MCM9: variants seen among roughly 807,000 people sequenced by gnomAD.
The protein encoded by MCM9 is DNA helicase MCM9.
In MCM9, 55 loss-of-function variants were observed where a neutral mutation model predicts 72.8. The ratio of observed to expected loss-of-function variants is 0.76; its 90% CI spans 0.61 to 0.95. MCM9 has a LOEUF of 0.95. MCM9 is among the 40% of genes least tolerant of loss of function. MCM9 has a pLI of 0.00. For missense variants in MCM9, 1,279 were observed against 1,377.0 expected (o/e 0.93, Z 1.13); for synonymous variants, 480 against 503.4 (o/e 0.95, Z 0.62).
chr6:118,895,339 G>A (rs187522525), intron 8 of MCM9, among the ~76,000 whole-genome samples: 17 of 152,302 alleles, frequency 1.1e-4, no homozygotes, highest in African/African-American at 2.2e-4. Flanking sequence ...ATGACGAAAA[G>A]CTAATTTCAG....
chr6:118,893,922 T>TCCCGCCGCAGCCCCGCCTC, intron 8 of MCM9: 2 of 721,536 alleles, frequency 2.8e-6, no homozygotes, highest in Non-Finnish European at 3.4e-6. Flanking sequence ...GATCGCGCCC[T>TCCCGCCGCAGCCCCGCCTC]CCCGCCGCAG....
chr6:118,924,648 T>G (rs1314313713), intron 3 of MCM9, among the ~76,000 whole-genome samples: 2 of 152,210 alleles, frequency 1.3e-5, no homozygotes, highest in African/African-American at 2.4e-5. Context: ...AATATGACAG[T>G]GTTTTTGAGC....
In MCM9 at chr6:118,907,846, A is replaced by C. The variant is rs1206512389; in HGVS notation, c.1150+3804T>G. On this transcript the variant is annotated intron_variant, in intron 8 of 13. Transcript: ENST00000619706. ...TTTTATTTGTTCTGAAACTAATCTG[A>C]TTAAAGCATATATATTATTTTCTTC... 3 of 420,000 alleles carry C rather than the reference A, an allele frequency of 7.1e-6. No homozygotes were observed. The Admixed American group carries it at 1.2e-4, about 16-fold the overall frequency. The allele number at this position is 420,000 out of a possible 1,614,324, so 26.0% of individuals were successfully genotyped here.
At chr6:118,894,620 C>T (rs889814526) in intron 8 of MCM9, 44 of 1,085,720 alleles carry the variant, frequency 4.1e-5, no homozygotes, top group Non-Finnish European at 5.4e-5. Flanking sequence ...GTGTTCGGCG[C>T]CTGGCGGCCG....
Position 118,922,011 on chromosome 6 carries a change from T to C in MCM9, c.697A>G (p.Lys233Glu). ...ILEDDLVDSC[K>E]SGDDLTIYGI... ...AAAATTCCCCTCTTCTTACCAGATT[T>C]GCAACTATCCACTAAGTCATCTTCC... The change falls in exon 5 of 14, where the codon AAA becomes GAA. Residue 233 changes from lysine (K) to glutamate (E), a missense_variant. By Grantham distance (56) the Lys-to-Glu change is moderately conservative. Coordinates refer to ENST00000619706, the MANE Select transcript of MCM9 (RefSeq NM_017696.3). 1 of 1,612,406 alleles carries C rather than the reference T, an allele frequency of 6.2e-7. No homozygotes were observed. Among genetic ancestry groups the C allele is most frequent in the East Asian group, 2.2e-5 (1 of 44,808 alleles).
intron 1 of MCM9, among the ~76,000 whole-genome samples, chr6:118,933,891 C>T (rs983055301): frequency 7.6e-6 from 1 of 131,082 alleles, no homozygotes; most frequent in African/African-American, 2.8e-5. Context: ...TTTGGTTAAG[C>T]AATATAAATT....
chr6:118,859,549 T>C (rs1776777590), intron 8 of MCM9, among the ~76,000 whole-genome samples: 1 of 152,168 alleles, frequency 6.6e-6, no homozygotes, highest in African/African-American at 2.4e-5. Context: ...GAGCATAAAC[T>C]TTTATGTAAG....
intron 8 of MCM9, among the ~76,000 whole-genome samples, chr6:118,866,361 T>C (rs1777217157): frequency 6.6e-6 from 1 of 152,068 alleles, no homozygotes; most frequent in Non-Finnish European, 1.5e-5. Flanking sequence ...GGTAAATCTC[T>C]AGAAACTAAC....
At chr6:118,928,364 T>C (rs1359450482) in intron 3 of MCM9, among the ~76,000 whole-genome samples, 1 of 151,870 alleles carries the variant, frequency 6.6e-6, no homozygotes, top group Admixed American at 6.6e-5. Flanking sequence ...TGAACCGAGA[T>C]TGCACCTGTG....
chr6:118,892,080 T>A (rs1411063170), intron 8 of MCM9, among the ~76,000 whole-genome samples: 2 of 152,224 alleles, frequency 1.3e-5, no homozygotes, highest in African/African-American at 4.8e-5. Flanking sequence ...AAATTAGAAA[T>A]ATGCCAGGAC....
Position 118,827,907 on chromosome 6 carries a change from A to G in MCM9, c.1732+20T>C, listed in dbSNP as rs761855205. 1.3e-6 allele frequency: 2 copies of G among 1,549,992 alleles called. No individual in the cohort carries two copies. Among genetic ancestry groups the G allele is most frequent in the Non-Finnish European group, 1.7e-6 (2 of 1,146,346 alleles). On this transcript the variant is annotated intron_variant, in intron 11 of 13. Coordinates refer to ENST00000619706, the MANE Select transcript of MCM9 (RefSeq NM_017696.3). ...ACACGCAGCATTCAATACAAGCATC[A>G]TTCGCTGAATGAAATAGACCTTCTG...
chr6:118,920,781 T>C (rs1781363189), intron 5 of MCM9: 1 of 152,296 alleles, frequency 6.6e-6, no homozygotes, highest in Non-Finnish European at 1.5e-5. Context: ...TGCACCATGC[T>C]TCCTGTACAG....
intron 8 of MCM9, among the ~76,000 whole-genome samples, chr6:118,868,793 T>C (rs1400405424): frequency 3.3e-5 from 5 of 152,140 alleles, no homozygotes; most frequent in Admixed American, 1.3e-4. Context: ...TGTGGAGAAA[T>C]AGGAATGCTT....
intron 10 of MCM9, 52 bp downstream of exon 10, chr6:118,828,996 A>T: frequency 6.7e-7 from 1 of 1,495,872 alleles, no homozygotes; most frequent in Non-Finnish European, 9.1e-7. Context: ...AATTTCTTTT[A>T]GTTACAGCTA....
intron 13 of MCM9, among the ~76,000 whole-genome samples, chr6:118,824,467 C>T (rs1437021428): frequency 6.6e-6 from 1 of 152,122 alleles, no homozygotes; most frequent in African/African-American, 2.4e-5. Flanking sequence ...CGCCAACACA[C>T]CCAGCTAATT....
chr6:118,907,844 T>A (rs1178764740), intron 8 of MCM9: 5 of 430,620 alleles, frequency 1.2e-5, no homozygotes, highest in African/African-American at 2.0e-5. Context: ...GAAACTAATC[T>A]GATTAAAGCA....
At chr6:118,909,866 C>G (rs963065590) in intron 8 of MCM9, among the ~76,000 whole-genome samples, 69 of 152,298 alleles carry the variant, frequency 4.5e-4, no homozygotes, top group African/African-American at 1.6e-3. Flanking sequence ...CCTGTAATCC[C>G]AGCACTTGGG....
At chr6:118,875,664 T>C (rs909410514) in intron 8 of MCM9, among the ~76,000 whole-genome samples, 1 of 4,714 alleles carries the variant, frequency 2.1e-4, no homozygotes, top group Non-Finnish European at 4.9e-4. Flanking sequence ...ATTAAAATAA[T>C]AATAATAATA....
At chr6:118,904,328 A>G (rs986832858) in intron 8 of MCM9, among the ~76,000 whole-genome samples, 1 of 152,152 alleles carries the variant, frequency 6.6e-6, no homozygotes, top group African/African-American at 2.4e-5. Context: ...TGTATCATCT[A>G]CCTGTGTTAG....
Sources: allele counts gnomAD v4.1 joint callset (sites outside exome capture counted in the v4.1 genomes callset), GRCh38; gene constraint gnomAD v4.1.1; transcripts MANE v1.5; gene names NCBI Gene and HGNC (gene_info 2026-07-23, HGNC 2026-07-21).